The following GLIS3 variants were observed in gnomAD, a reference collection of about 807,000 sequenced individuals.
The protein encoded by GLIS3 is GLIS family zinc finger 3.
Under a neutral mutation model 78.6 loss-of-function variants are expected in GLIS3, and 53 were observed. The ratio of observed to expected loss-of-function variants is 0.67; its 90% CI spans 0.54 to 0.85. The LOEUF is 0.85. Ranked by LOEUF, GLIS3 falls within the 40% of genes least tolerant of loss-of-function variation. The pLI is 0.00. For missense variants in GLIS3, 1,703 were observed against 1,231.1 expected, an observed-to-expected ratio of 1.38 and a Z score of -5.74; for synonymous variants, 684 against 509.9, an observed-to-expected ratio of 1.34 and a Z score of -4.60.
At chr9:4,164,503 G>C (rs1330071519) in intron 2 of GLIS3, among the ~76,000 whole-genome samples, 52 of 152,202 alleles carry the variant, frequency 3.4e-4, no homozygotes, top group Admixed American at 3.4e-3. Context: ...ACAGGGATAA[G>C]AGGTAGGATT....
At chr9:4,112,148 A>C (rs1831269449) in intron 4 of GLIS3, among the ~76,000 whole-genome samples, 1 of 152,208 alleles carries the variant, frequency 6.6e-6, no homozygotes, top group African/African-American at 2.4e-5. Context: ...CAATGTATAC[A>C]TGGTTCAGCA....
intron 2 of GLIS3, among the ~76,000 whole-genome samples, chr9:4,148,810 T>C (rs1834435820): frequency 6.6e-6 from 1 of 152,132 alleles, no homozygotes; most frequent in Non-Finnish European, 1.5e-5. Flanking sequence ...GAGAAATTGC[T>C]GAGAAGCCTG....
chr9:3,888,090 G>A (rs1488919558), intron 7 of GLIS3, among the ~76,000 whole-genome samples: 1 of 152,124 alleles, frequency 6.6e-6, no homozygotes, highest in African/African-American at 2.4e-5. Context: ...CCTGGTCTGT[G>A]TGTTATGTTA....
chr9:4,450,211 C>T, the GLIS3 span, among the ~76,000 whole-genome samples: 1 of 152,048 alleles, frequency 6.6e-6, no homozygotes, highest in Non-Finnish European at 1.5e-5. Flanking sequence ...ACACAAACTT[C>T]AATAGCCGAT....
chr9:4,286,655 A>C lies in GLIS3; in HGVS notation c.-98-132T>G, dbSNP rs16921028. The C allele has an allele frequency of 0.039, 22,793 of 583,554 alleles. 1,425 individuals are homozygous for C. The highest frequency in any genetic ancestry group is 0.22 in the African/African-American group (11,578 of 53,704). 36.1% of individuals were successfully genotyped at this position (583,554 alleles called of 1,614,324 possible). A position where few individuals can be genotyped will look rare whatever the true frequency, so the allele number is the denominator to read the frequency against. ...TAGCAAGATGGCCTTTTATGTAGAA[A>C]AGGGTCCTCAAATACACGGCTCATT... On this transcript the variant is annotated intron_variant, in intron 1 of 10. Transcript: ENST00000381971.
the GLIS3 span, among the ~76,000 whole-genome samples, chr9:4,354,659 C>T: frequency 3.3e-5 from 5 of 152,156 alleles, no homozygotes; most frequent in Admixed American, 6.5e-5. Flanking sequence ...CCTCTCACTG[C>T]GGTCCTGGGA....
the GLIS3 span, among the ~76,000 whole-genome samples, chr9:4,392,693 A>T: frequency 6.6e-6 from 1 of 152,184 alleles, no homozygotes; most frequent in Non-Finnish European, 1.5e-5. Context: ...GGGAGGAGGG[A>T]CACCCTGTTT....
At chr9:4,104,436 G>C (rs899396928) in intron 4 of GLIS3, among the ~76,000 whole-genome samples, 26 of 152,164 alleles carry the variant, frequency 1.7e-4, no homozygotes, top group African/African-American at 5.8e-4. Context: ...TAAGTAGAAA[G>C]ACCAGACAGA....
intron 2 of GLIS3, among the ~76,000 whole-genome samples, chr9:4,237,281 A>C (rs1225622259): frequency 6.6e-6 from 1 of 152,152 alleles, no homozygotes; most frequent in Non-Finnish European, 1.5e-5. Flanking sequence ...TAAGTACAGT[A>C]CAGTCTCTAG....
At chr9:4,149,346 A>T (rs568357386) in intron 2 of GLIS3, among the ~76,000 whole-genome samples, 1 of 152,320 alleles carries the variant, frequency 6.6e-6, no homozygotes, top group East Asian at 1.9e-4. Context: ...GCTAAGAGTG[A>T]GTATTCAAAC....
chr9:4,403,875 CAAT>C, the GLIS3 span, among the ~76,000 whole-genome samples: 3 of 151,922 alleles, frequency 2.0e-5, no homozygotes, highest in African/African-American at 7.3e-5. Flanking sequence ...CCCTACTTAT[CAAT>C]AATAATACTG....
chr9:3,946,317 T>C (rs1816293763), intron 4 of GLIS3, among the ~76,000 whole-genome samples: 1 of 152,248 alleles, frequency 6.6e-6, no homozygotes, highest in Non-Finnish European at 1.5e-5. Context: ...TGATTGTAGA[T>C]TATTTGCTAA....
In GLIS3 at chr9:4,311,314, C is replaced by A. The variant is rs1817352241; in HGVS notation, n.265-786G>T. 2.6e-5 allele frequency among the ~76,000 whole-genome samples: 4 copies of A among 152,298 alleles called. No individual in the cohort carries two copies. In the South Asian group the frequency reaches 8.3e-4, roughly 32 times the overall value. On this transcript the variant is annotated intron_variant and non_coding_transcript_variant, in intron 2 of 4. Coordinates refer to the GLIS3 transcript ENST00000471664. ...ATCCCAGCAACTTGGGAGGCTGAGG[C>A]AAAAGAATCACTTGAGCTGGAGAGG...
At chr9:4,438,213 A>G in the GLIS3 span, among the ~76,000 whole-genome samples, 1 of 152,230 alleles carries the variant, frequency 6.6e-6, no homozygotes, top group African/African-American at 2.4e-5. Context: ...ACAAAAAAGT[A>G]TAATAATGAG....
At chr9:4,408,780 G>A in the GLIS3 span, among the ~76,000 whole-genome samples, 1 of 149,732 alleles carries the variant, frequency 6.7e-6, no homozygotes, top group Non-Finnish European at 1.5e-5. Context: ...AGTATTTGAT[G>A]TCATAACAGG....
intron 2 of GLIS3, among the ~76,000 whole-genome samples, chr9:4,142,248 A>G (rs1833867479): frequency 2.0e-5 from 3 of 152,270 alleles, no homozygotes; most frequent in Admixed American, 2.0e-4. Flanking sequence ...CTGAATTTGA[A>G]TGCTAAAGCT....
chr9:4,129,418 G>T (rs1832798057), intron 2 of GLIS3, among the ~76,000 whole-genome samples: 1 of 152,148 alleles, frequency 6.6e-6, no homozygotes, highest in Non-Finnish European at 1.5e-5. Context: ...TGGAGGTGGG[G>T]CCCAGTAGAA....
At chr9:4,325,798 A>G (rs1043853791) in intron 2 of GLIS3, among the ~76,000 whole-genome samples, 1 of 152,234 alleles carries the variant, frequency 6.6e-6, no homozygotes, top group African/African-American at 2.4e-5. Flanking sequence ...CATGAAATCA[A>G]CCTAGATGCC....
chr9:3,953,659 A>T (rs1294078079), intron 4 of GLIS3, among the ~76,000 whole-genome samples: 1 of 152,160 alleles, frequency 6.6e-6, no homozygotes, highest in Non-Finnish European at 1.5e-5. Flanking sequence ...TTTTCAATGG[A>T]TTAAAAGTAA....
Sources: gnomAD v4.1 joint callset for allele counts (sites outside exome capture counted in the v4.1 genomes callset) on GRCh38, gnomAD v4.1.1 for gene constraint, MANE v1.5 for transcripts, NCBI Gene and HGNC (gene_info 2026-07-23, HGNC 2026-07-21) for gene names.